Variants in STAP1 observed in about 807,000 individuals in gnomAD.
STAP1 encodes the protein signal transducing adaptor family member 1.
A neutral mutation model predicts 37.8 loss-of-function variants in STAP1; 30 were observed. The observed-to-expected ratio is 0.79, with a 90% CI of 0.59 to 1.08. The LOEUF is 1.08. STAP1 is among the 50% of genes least tolerant of loss of function. STAP1 has a pLI of 0.00. For missense variants in STAP1, 357 were observed against 349.4 expected (o/e 1.02, Z -0.17); for synonymous variants, 130 against 116.0 (o/e 1.12, Z -0.78).
chr4:67,568,748 A>G (rs1727531439), intron 1 of STAP1, among the ~76,000 whole-genome samples: 1 of 152,134 alleles, frequency 6.6e-6, no homozygotes, highest in Non-Finnish European at 1.5e-5. Context: ...TATTTACTGA[A>G]CCCCAGCTAT....
intron 4 of STAP1, among the ~76,000 whole-genome samples, chr4:67,579,069 C>A (rs1325529955): frequency 6.6e-6 from 1 of 152,044 alleles, no homozygotes; most frequent in Admixed American, 6.5e-5. Flanking sequence ...CTCCTGACCT[C>A]AAGTGATCCT....
At chr4:67,596,187 G>A (rs937248885) in intron 8 of STAP1, among the ~76,000 whole-genome samples, 1 of 152,038 alleles carries the variant, frequency 6.6e-6, no homozygotes, top group African/African-American at 2.4e-5. Flanking sequence ...TGATACTGAG[G>A]GAGTTCTCAT....
intron 8 of STAP1, among the ~76,000 whole-genome samples, chr4:67,597,606 C>T (rs991146559): frequency 2.0e-5 from 3 of 152,226 alleles, no homozygotes; most frequent in African/African-American, 7.2e-5. Context: ...CCTGCAGAGT[C>T]ACAGGGGTGG....
At chr4:67,595,427 T>C (rs1728204684) in intron 8 of STAP1, among the ~76,000 whole-genome samples, 1 of 148,662 alleles carries the variant, frequency 6.7e-6, no homozygotes, top group African/African-American at 2.5e-5. Context: ...CACATGCCTG[T>C]AGTCCTAGCT....
At chr4:67,597,489 A>T (rs1342387743) in intron 8 of STAP1, among the ~76,000 whole-genome samples, 1 of 152,198 alleles carries the variant, frequency 6.6e-6, no homozygotes, top group Non-Finnish European at 1.5e-5. Context: ...GAGAACCACC[A>T]TCCTCCAGAA....
chr4:67,589,977 AT>A (rs1728086053), intron 6 of STAP1, among the ~76,000 whole-genome samples: 1 of 151,688 alleles, frequency 6.6e-6, no homozygotes, highest in Non-Finnish European at 1.5e-5. Context: ...AATTTTTTGA[AT>A]TTTTTTGTAG....
chr4:67,577,887 G>T (rs1033669328), intron 4 of STAP1, among the ~76,000 whole-genome samples: 17 of 152,056 alleles, frequency 1.1e-4, no homozygotes, highest in African/African-American at 4.1e-4. Context: ...GGCCTCAAGT[G>T]ATCTGCCGGC....
chr4:67,570,629 TC>T (rs1239900727), intron 1 of STAP1, among the ~76,000 whole-genome samples: 2 of 147,858 alleles, frequency 1.4e-5, no homozygotes, highest in African/African-American at 5.0e-5. Flanking sequence ...ACCACTACGC[TC>T]CAGCCTGGGT....
At chr4:67,569,247 A>G (rs911794573) in intron 1 of STAP1, among the ~76,000 whole-genome samples, 2 of 152,200 alleles carry the variant, frequency 1.3e-5, no homozygotes, top group Non-Finnish European at 1.5e-5. Flanking sequence ...GGTATAAAAG[A>G]AAAAATGGTA....
chr4:67,573,298 T>C (rs1727646265), intron 2 of STAP1, among the ~76,000 whole-genome samples: 1 of 152,204 alleles, frequency 6.6e-6, no homozygotes, highest in African/African-American at 2.4e-5. Context: ...ATGTTAGAGA[T>C]GTTTGAACAC....
chr4:67,598,299 A>C (rs1453850784), intron 8 of STAP1, among the ~76,000 whole-genome samples: 2 of 152,122 alleles, frequency 1.3e-5, no homozygotes, highest in Non-Finnish European at 2.9e-5. Flanking sequence ...TATACCTAGC[A>C]GTGGGATTGC....
At chr4:67,572,897 C>T (rs1315861490) in intron 2 of STAP1, among the ~76,000 whole-genome samples, 2 of 152,176 alleles carry the variant, frequency 1.3e-5, no homozygotes, top group Non-Finnish European at 2.9e-5. Flanking sequence ...ACGAAAGGTA[C>T]AATCCAGGTC....
At chr4:67,595,282 C>A (rs1728199153) in intron 8 of STAP1, among the ~76,000 whole-genome samples, 4 of 150,762 alleles carry the variant, frequency 2.7e-5, no homozygotes, top group African/African-American at 9.8e-5. Flanking sequence ...AACAGGGCAG[C>A]CCACACCTAT....
intron 1 of STAP1, among the ~76,000 whole-genome samples, chr4:67,561,802 G>C (rs937534403): frequency 6.6e-6 from 1 of 152,010 alleles, no homozygotes; most frequent in Admixed American, 6.6e-5. Flanking sequence ...GGCCGGGAGC[G>C]GTGGCTCATG....
chr4:67,572,452 A>G (rs1727626066), intron 2 of STAP1, among the ~76,000 whole-genome samples: 1 of 152,070 alleles, frequency 6.6e-6, no homozygotes, highest in African/African-American at 2.4e-5. Context: ...TGCTTATGGT[A>G]ATAAATACCC....
chr4:67,603,922 C>A (rs1728397162), intron 8 of STAP1, among the ~76,000 whole-genome samples: 1 of 152,128 alleles, frequency 6.6e-6, no homozygotes, highest in Non-Finnish European at 1.5e-5. Context: ...GGCTCCAAGC[C>A]CAGCACAGCA....
chr4:67,573,090 T>C (rs183190736), intron 2 of STAP1, among the ~76,000 whole-genome samples: 1 of 152,266 alleles, frequency 6.6e-6, no homozygotes, highest in Admixed American at 6.5e-5. Context: ...ATTTTTGTCT[T>C]ACAAAAGGGA....
chr4:67,604,834 G>A (rs1020630894), intron 8 of STAP1, among the ~76,000 whole-genome samples: 2 of 152,192 alleles, frequency 1.3e-5, no homozygotes, highest in Non-Finnish European at 2.9e-5. Flanking sequence ...CTTACTTTCT[G>A]TGGGAAGCCA....
intron 1 of STAP1, 71 bp downstream of exon 1, chr4:67,559,000 G>C: frequency 6.9e-7 from 1 of 1,441,668 alleles, no homozygotes; most frequent in Non-Finnish European, 9.3e-7. Flanking sequence ...ATGGTGATGT[G>C]ATGTGTTAAG....
Sources: gnomAD v4.1 joint callset for allele counts (sites outside exome capture counted in the v4.1 genomes callset) on GRCh38, gnomAD v4.1.1 for gene constraint, MANE v1.5 for transcripts, NCBI Gene and HGNC (gene_info 2026-07-23, HGNC 2026-07-21) for gene names.